The following SIPA1L3 variants were observed in gnomAD, a reference collection of about 807,000 sequenced individuals.
SIPA1L3 encodes signal-induced proliferation-associated 1-like protein 3.
Under a neutral mutation model 150.1 loss-of-function variants are expected in SIPA1L3, and 59 were observed. The observed-to-expected ratio is 0.39, with a 90% CI of 0.32 to 0.49. The LOEUF is 0.49. SIPA1L3 is among the 20% of genes least tolerant of loss of function. SIPA1L3 has a pLI of 0.86. For synonymous variants in SIPA1L3, 1,070 were observed against 1,077.6 expected (o/e 0.99, Z 0.14); for missense variants, 2,211 against 2,489.5 (o/e 0.89, Z 2.38).
chr19:38,118,690 C>A (rs142674955), intron 8 of SIPA1L3, among the ~76,000 whole-genome samples: 2 of 151,790 alleles, frequency 1.3e-5, no homozygotes, highest in African/African-American at 4.8e-5. Flanking sequence ...CCCACCACCA[C>A]GCCCAGCTAA....
chr19:38,182,621 C>G lies in SIPA1L3; in HGVS notation c.4311C>G (p.Leu1437=), dbSNP rs540654899. The G allele has an allele frequency of 1.9e-6, 3 of 1,614,052 alleles. No individual in the cohort carries two copies. Among genetic ancestry groups the G allele is most frequent in the African/African-American group, 2.7e-5 (2 of 74,938 alleles). Residue 1437 remains leucine (L), a synonymous_variant, in exon 16 of 22, where the codon CTC becomes CTG. Transcript: ENST00000222345. ...TGGCCCAGCCCAGCCCCTTTCAGCT[C>G]TCCGCCTCCGTCCCCAAGTCCTTCT... is the stretch of plus-strand genomic sequence containing the variant. ...SQLAQPSPFQ[L]SASVPKSFFS...
At position 37,965,317 on chromosome 19, in the gene SIPA1L3, G is replaced by GTTTTTTTTT. The variant is rs566071263; in HGVS notation, c.-379+57968_-379+57976dup. ...TTTATCAGTTCTTTTTATATTTCTA[G>GTTTTTTTTT]TTTTTTTTTTTTTTTTTGAGAAGGC... is the stretch of plus-strand genomic sequence containing the variant. On this transcript the variant is annotated intron_variant, in intron 1 of 21. Transcript: ENST00000222345. 2.0e-3 allele frequency among the ~76,000 whole-genome samples: 266 copies of GTTTTTTTTT among 133,656 alleles called. 2 individuals carry two copies. Among genetic ancestry groups the GTTTTTTTTT allele is most frequent in the African/African-American group, 5.8e-3 (211 of 36,232 alleles). 87.7% of individuals were successfully genotyped at this position (133,656 alleles called of 152,430 possible).
intron 2 of SIPA1L3, among the ~76,000 whole-genome samples, chr19:38,061,439 A>G (rs1725475): frequency 0.19 from 29,144 of 151,438 alleles, 3,067 homozygotes; most frequent in African/African-American, 0.28. Context: ...GCAGATGTTG[A>G]GAACTTGGAA....
intron 1 of SIPA1L3, among the ~76,000 whole-genome samples, chr19:37,914,070 G>A (rs1480333123): frequency 2.7e-5 from 4 of 149,760 alleles, no homozygotes; most frequent in Non-Finnish European, 5.9e-5. Flanking sequence ...TCTTCAGATA[G>A]TTTTAACTGT....
chr19:38,187,715 C>CGAA, intron 16 of SIPA1L3, among the ~76,000 whole-genome samples: 1 of 59,532 alleles, frequency 1.7e-5, no homozygotes, highest in Non-Finnish European at 2.9e-5. Flanking sequence ...GACTCCGTCT[C>CGAA]AAAAAAAAAA....
chr19:38,067,761 G>GAAA (rs75720415), intron 2 of SIPA1L3, among the ~76,000 whole-genome samples: 2 of 138,836 alleles, frequency 1.4e-5, no homozygotes, highest in African/African-American at 5.3e-5. Flanking sequence ...GACTCAGTCT[G>GAAA]AAAAAAAAAA....
intron 1 of SIPA1L3, among the ~76,000 whole-genome samples, chr19:38,009,372 G>T (rs941201495): frequency 2.6e-5 from 4 of 152,160 alleles, no homozygotes; most frequent in Admixed American, 2.6e-4. Context: ...GAAATTTCCA[G>T]TGTGGAGGCA....
chr19:38,125,022 A>AGGGAGAGGGAGAGGGAGACCGTGGGGAGG (rs1433853748), intron 9 of SIPA1L3, among the ~76,000 whole-genome samples: 2 of 149,042 alleles, frequency 1.3e-5, no homozygotes, highest in Admixed American at 6.7e-5. Context: ...CCGTGGGGAG[A>AGGGAGAGGGAGAGGGAGACCGTGGGGAGG]GGGAGAGGGA....
intron 9 of SIPA1L3, among the ~76,000 whole-genome samples, chr19:38,126,582 G>A (rs755391815): frequency 3.0e-4 from 46 of 151,828 alleles, no homozygotes; most frequent in Non-Finnish European, 5.4e-4. Flanking sequence ...TGTTGCCTAG[G>A]CTGGAGTGCC....
chr19:38,167,930 T>G (rs1186145768), intron 15 of SIPA1L3, among the ~76,000 whole-genome samples: 1 of 152,162 alleles, frequency 6.6e-6, no homozygotes, highest in African/African-American at 2.4e-5. Context: ...CATTTATTCA[T>G]TCACTCCATT....
At chr19:38,172,667 G>T (rs1473843688) in intron 15 of SIPA1L3, among the ~76,000 whole-genome samples, 1 of 152,160 alleles carries the variant, frequency 6.6e-6, no homozygotes, top group Non-Finnish European at 1.5e-5. Context: ...TGGGATGGGG[G>T]GAGAGTGGCA....
At chr19:38,137,871 C>G (rs932564879) in intron 10 of SIPA1L3, among the ~76,000 whole-genome samples, 3 of 152,090 alleles carry the variant, frequency 2.0e-5, no homozygotes, top group Non-Finnish European at 4.4e-5. Context: ...TGGCTCATGT[C>G]TGTAATCCCA....
intron 1 of SIPA1L3, among the ~76,000 whole-genome samples, chr19:37,928,805 A>G (rs750271640): frequency 2.0e-5 from 3 of 152,224 alleles, no homozygotes; most frequent in Non-Finnish European, 2.9e-5. Context: ...AACGAGATTT[A>G]TGATCTCATA....
In SIPA1L3 at chr19:38,110,302, C is replaced by T. The variant is rs767596356; in HGVS notation, c.2209C>T (p.Pro737Ser). Residue 737 changes from proline to serine, a missense_variant, in exon 8 of 22, where the codon CCC (proline) becomes TCC (serine). Around this residue, in one of 5 missense-constraint regions of SIPA1L3, gnomAD observed 625 missense variants for 804.2 expected, o/e 0.78. Coordinates refer to ENST00000222345, the MANE Select transcript of SIPA1L3 (RefSeq NM_015073.3). Reference protein sequence around the residue: ...FQEPGALPFTPKNIRSHFQHV... With the variant: ...FQEPGALPFTSKNIRSHFQHV... ...GGAGCCTGGCGCGCTACCGTTCACC[C>T]CCAAGAACATCCGCTCCCACTTCCA... 1 of 1,614,186 alleles carries T rather than the reference C, an allele frequency of 6.2e-7. No homozygotes were observed.
Position 38,121,188 on chromosome 19 carries a change from A to T in SIPA1L3, c.2868+1306A>T, listed in dbSNP as rs1390605866. On this transcript the variant is annotated intron_variant, in intron 9 of 21. Coordinates refer to ENST00000222345, the MANE Select transcript of SIPA1L3 (RefSeq NM_015073.3). ...GAGATGCCGTTTCTAAAAAAAAAAT[A>T]AAAAAATAAATTAGCCGAGGCAGGT... Among the ~76,000 whole-genome samples the T allele has an allele frequency of 5.3e-5, 8 of 152,088 alleles. No homozygotes were observed. In the South Asian group the frequency reaches 1.2e-3, roughly 24 times the overall value.
chr19:38,086,395 A>G (rs1247421413), intron 3 of SIPA1L3, among the ~76,000 whole-genome samples: 2 of 152,154 alleles, frequency 1.3e-5, no homozygotes, highest in African/African-American at 4.8e-5. Flanking sequence ...TTAAAGAAAA[A>G]AACGTTCTGG....
In SIPA1L3 at chr19:37,913,844, G is replaced by A. The variant is rs566681644; in HGVS notation, c.-379+6486G>A. 4.6e-5 allele frequency among the ~76,000 whole-genome samples: 7 copies of A among 151,182 alleles called. No homozygotes were observed. In the South Asian group the frequency reaches 6.3e-4, roughly 14 times the overall value. ...ATCCTGGCTAACAAGGTGAAACCCC[G>A]TCTCTACTAAAAATACAAAAATTAG... On this transcript the variant is annotated intron_variant, in intron 1 of 21. Coordinates refer to ENST00000222345, the MANE Select transcript of SIPA1L3 (RefSeq NM_015073.3).
intron 1 of SIPA1L3, among the ~76,000 whole-genome samples, chr19:37,928,860 G>T (rs1381016482): frequency 6.6e-6 from 1 of 152,152 alleles, no homozygotes; most frequent in Admixed American, 6.6e-5. Flanking sequence ...CACAGGAGTT[G>T]ACTAAGCAGT....
intron 1 of SIPA1L3, among the ~76,000 whole-genome samples, chr19:37,921,236 C>T (rs1259432065): frequency 1.3e-5 from 2 of 152,202 alleles, no homozygotes; most frequent in Non-Finnish European, 2.9e-5. Flanking sequence ...GGCCGGCCGG[C>T]GTGCGCTCCC....
Sources: gnomAD v4.1 joint callset for allele counts (sites outside exome capture counted in the v4.1 genomes callset) on GRCh38, gnomAD v4.1.1 for gene constraint, gnomAD v4.1.1 regional missense constraint, MANE v1.5 for transcripts, NCBI Gene and HGNC (gene_info 2026-07-23, HGNC 2026-07-21) for gene names.